Variants in PTPRK observed in about 807,000 individuals in gnomAD.
PTPRK encodes protein tyrosine phosphatase receptor type K, also known as receptor-type tyrosine-protein phosphatase kappa.
Under a neutral mutation model 178.0 loss-of-function variants are expected in PTPRK, and 75 were observed. That is an observed-to-expected ratio of 0.42 (90% CI 0.35 to 0.51). The LOEUF is 0.51. Among genes scored for constraint, PTPRK ranks in the 20% least tolerant of loss-of-function variants. PTPRK has a pLI of 0.02. For synonymous variants in PTPRK, 637 were observed against 620.6 expected (o/e 1.03, Z -0.39); for missense variants, 1,441 against 1,797.8 (o/e 0.80, Z 3.59).
intron 13 of PTPRK, among the ~76,000 whole-genome samples, chr6:128,028,218 CAA>C (rs550419596): frequency 2.1e-3 from 318 of 152,036 alleles, no homozygotes; most frequent in Middle Eastern, 6.8e-3. Context: ...CAAATAATTA[CAA>C]GTCACAATCT....
chr6:128,074,258 A>G (rs1783366080), intron 11 of PTPRK, among the ~76,000 whole-genome samples: 1 of 152,036 alleles, frequency 6.6e-6, no homozygotes, highest in East Asian at 1.9e-4. Flanking sequence ...TAGAGTTTCT[A>G]TTTGGAAAAT....
chr6:128,001,359 C>A (rs924395216), intron 15 of PTPRK, among the ~76,000 whole-genome samples: 1 of 151,842 alleles, frequency 6.6e-6, no homozygotes, highest in Non-Finnish European at 1.5e-5. Flanking sequence ...TGATTGGATG[C>A]AAAACTCTAA....
intron 13 of PTPRK, among the ~76,000 whole-genome samples, chr6:128,058,800 A>G (rs541482007): frequency 1.3e-5 from 2 of 151,836 alleles, no homozygotes; most frequent in African/African-American, 4.8e-5. Context: ...AATATGTTCT[A>G]TATTCTTCTA....
At chr6:128,399,526 C>G (rs542764127) in intron 1 of PTPRK, among the ~76,000 whole-genome samples, 1 of 152,210 alleles carries the variant, frequency 6.6e-6, no homozygotes, top group East Asian at 1.9e-4. Context: ...TTAAAATTAA[C>G]CAATGAAAAT....
intron 7 of PTPRK, among the ~76,000 whole-genome samples, chr6:128,135,319 G>A (rs746519144): frequency 2.0e-5 from 3 of 152,152 alleles, no homozygotes; most frequent in African/African-American, 4.8e-5. Context: ...TGGAGGACTG[G>A]TTGAAGGAGA....
At chr6:128,299,050 A>T (rs1426348446) in intron 3 of PTPRK, among the ~76,000 whole-genome samples, 1 of 152,204 alleles carries the variant, frequency 6.6e-6, no homozygotes, top group African/African-American at 2.4e-5. Context: ...ATGTGCAAAA[A>T]TCACAAGCAT....
At chr6:128,067,198 T>TC (rs1781938394) in intron 12 of PTPRK, among the ~76,000 whole-genome samples, 1 of 152,178 alleles carries the variant, frequency 6.6e-6, no homozygotes, top group Admixed American at 6.5e-5. Flanking sequence ...CAATGCCTGA[T>TC]CGTTACTGAG....
At chr6:128,205,929 A>C (rs1433376393) in intron 6 of PTPRK, among the ~76,000 whole-genome samples, 1 of 152,050 alleles carries the variant, frequency 6.6e-6, no homozygotes, top group East Asian at 1.9e-4. Flanking sequence ...TATAGTTGTT[A>C]GTAACTGAAT....
In PTPRK at chr6:127,998,888, A is replaced by G. The variant is rs758956689; in HGVS notation, c.2511T>C (p.Ala837=). ...NFSPRYENHS[A]TAESSRLLDV... is the part of the protein sequence containing the mutation. ...CTAGAAGGCGACTGGACTCTGCTGT[A>G]GCACTGTGGTTCTCATCTGGCATTT... is the stretch of plus-strand genomic sequence containing the variant. The change falls in exon 16 of 30, where the codon GCT becomes GCC. Residue 837 remains alanine (A), a synonymous_variant. Transcript: ENST00000368226. The G allele has an allele frequency of 2.6e-6, 4 of 1,534,474 alleles. No individual in the cohort carries two copies. The South Asian group carries it at 3.7e-5, about 14-fold the overall frequency.
intron 1 of PTPRK, among the ~76,000 whole-genome samples, chr6:128,408,770 C>G (rs1841982605): frequency 6.6e-6 from 1 of 152,072 alleles, no homozygotes; most frequent in South Asian, 2.1e-4. Flanking sequence ...AACCCAATGG[C>G]TATAGGAAAA....
At chr6:127,998,942 CAA>C (rs1777489899) in intron 15 of PTPRK, 38 bp from the exon 16 acceptor site, 1 of 1,464,594 alleles carries the variant, frequency 6.8e-7, no homozygotes, top group Non-Finnish European at 9.1e-7. Context: ...AAAAAAGAGA[CAA>C]AGTTATCTTG....
chr6:128,110,553 G>T (rs1490445441), intron 7 of PTPRK, among the ~76,000 whole-genome samples: 1 of 151,850 alleles, frequency 6.6e-6, no homozygotes, highest in Non-Finnish European at 1.5e-5. Flanking sequence ...ATATGCAGGT[G>T]GATTCAACAC....
At chr6:128,406,347 G>C (rs76518603) in intron 1 of PTPRK, among the ~76,000 whole-genome samples, 2,186 of 152,042 alleles carry the variant, frequency 0.014, 56 homozygotes, top group African/African-American at 0.05. Context: ...TTCTAGACTA[G>C]GTTAACATAG....
chr6:128,464,650 T>TATACACAC (rs1849582162), intron 1 of PTPRK, among the ~76,000 whole-genome samples: 1 of 96,296 alleles, frequency 1.0e-5, no homozygotes, highest in African/African-American at 5.1e-5. Context: ...TATATATATA[T>TATACACAC]ATATATATAT....
At chr6:127,980,317 A>G (rs1775159958) in intron 25 of PTPRK, among the ~76,000 whole-genome samples, 1 of 152,120 alleles carries the variant, frequency 6.6e-6, no homozygotes, top group Non-Finnish European at 1.5e-5. Flanking sequence ...TCTCAAAAAC[A>G]AAAACAACAA....
chr6:128,370,249 A>G (rs1836080317), intron 2 of PTPRK, among the ~76,000 whole-genome samples: 1 of 152,148 alleles, frequency 6.6e-6, no homozygotes, highest in African/African-American at 2.4e-5. Context: ...TACAAACATC[A>G]TCATCCACCA....
chr6:128,459,028 T>C (rs1406286713), intron 1 of PTPRK, among the ~76,000 whole-genome samples: 3 of 152,118 alleles, frequency 2.0e-5, no homozygotes, highest in South Asian at 2.1e-4. Context: ...AAAATTGGAA[T>C]GTTTAAATAT....
chr6:128,481,058 C>T (rs1852008303), intron 1 of PTPRK, among the ~76,000 whole-genome samples: 2 of 151,586 alleles, frequency 1.3e-5, no homozygotes, highest in South Asian at 4.2e-4. Flanking sequence ...CACATTACAG[C>T]CCTGAGAACA....
intron 6 of PTPRK, among the ~76,000 whole-genome samples, chr6:128,208,402 A>G (rs527668455): frequency 5.9e-5 from 9 of 152,258 alleles, no homozygotes; most frequent in Admixed American, 1.3e-4. Context: ...CTGAAGAGAA[A>G]GTAGAGAAGC....
Sources: gnomAD v4.1 joint callset for allele counts (sites outside exome capture counted in the v4.1 genomes callset) on GRCh38, gnomAD v4.1.1 for gene constraint, MANE v1.5 for transcripts, NCBI Gene and HGNC (gene_info 2026-07-23, HGNC 2026-07-21) for gene names.